The following CSMD2 variants were observed in gnomAD, a reference collection of about 807,000 sequenced individuals.
CSMD2 encodes CUB and Sushi multiple domains 2.
A neutral mutation model predicts 398.5 loss-of-function variants in CSMD2; 130 were observed. The observed-to-expected ratio is 0.33, with a 90% confidence interval of 0.28 to 0.38. CSMD2 has a LOEUF of 0.38. Ranked by LOEUF, CSMD2 falls within the 10% of genes least tolerant of loss-of-function variation. CSMD2 has a pLI of 1.00. For missense variants in CSMD2, 3,829 were observed against 4,764.9 expected (o/e 0.80, Z 5.78); for synonymous variants, 1,828 against 1,908.5 (o/e 0.96, Z 1.10).
chr1:33,634,899 C>T (rs946150128), intron 31 of CSMD2, among the ~76,000 whole-genome samples: 1 of 152,124 alleles, frequency 6.6e-6, no homozygotes, highest in South Asian at 2.1e-4. Flanking sequence ...ATCTGCGGCA[C>T]CTCCCTTAGG....
chr1:33,711,867 G>A (rs1046278489), intron 21 of CSMD2, among the ~76,000 whole-genome samples: 1 of 152,152 alleles, frequency 6.6e-6, no homozygotes, highest in African/African-American at 2.4e-5. Flanking sequence ...CCAGTCCTTG[G>A]CCAATCCCCA....
chr1:33,939,143 C>T (rs1644583670), intron 3 of CSMD2, among the ~76,000 whole-genome samples: 1 of 151,900 alleles, frequency 6.6e-6, no homozygotes, highest in African/African-American at 2.4e-5. Context: ...GCTTACTTAA[C>T]ATTTCCCATG....
rs867298001 is a variant in CSMD2, at chr1:33,544,841, A to G, written c.9100+1196T>C. Among the ~76,000 whole-genome samples, 177 of 139,044 alleles carry G rather than the reference A, an allele frequency of 1.3e-3. 1 individual carries two copies. Among genetic ancestry groups the G allele is most frequent in the Middle Eastern group, 0.011 (3 of 272 alleles). 91.2% of individuals were successfully genotyped at this position (139,044 alleles called of 152,430 possible). On this transcript the variant is annotated intron_variant, in intron 57 of 70. Transcript: ENST00000373381. ...TTGACCACTGTGCATTTATATATAT[A>G]TATATATATATATACACATATAATC...
At chr1:33,918,711 T>C (rs191968629) in intron 4 of CSMD2, among the ~76,000 whole-genome samples, 7 of 152,304 alleles carry the variant, frequency 4.6e-5, no homozygotes, top group Middle Eastern at 3.4e-3. Context: ...CAGAGAACAC[T>C]GAGCCAAAAA....
chr1:33,949,795 G>A (rs1176823470), intron 3 of CSMD2, among the ~76,000 whole-genome samples: 1 of 152,086 alleles, frequency 6.6e-6, no homozygotes, highest in Non-Finnish European at 1.5e-5. Flanking sequence ...TTGTTCCCAG[G>A]GTTAGTGACT....
chr1:33,834,854 C>T (rs1660039978), intron 6 of CSMD2, among the ~76,000 whole-genome samples: 1 of 44,894 alleles, frequency 2.2e-5, no homozygotes. Context: ...CATGAACAGA[C>T]ACTTCTCAAA....
At chr1:34,112,812 C>A (rs982610340) in intron 1 of CSMD2, 27 of 152,208 alleles carry the variant, frequency 1.8e-4, no homozygotes, top group African/African-American at 6.5e-4. Context: ...AGGATTCAAG[C>A]CAATTCAATG....
At chr1:34,125,919 G>A (rs1283931085) in intron 1 of CSMD2, among the ~76,000 whole-genome samples, 2 of 152,172 alleles carry the variant, frequency 1.3e-5, no homozygotes, top group South Asian at 4.1e-4. Flanking sequence ...AGGACCCAGT[G>A]GGGGTCTGTT....
intron 5 of CSMD2, among the ~76,000 whole-genome samples, chr1:33,858,470 C>T (rs1364303728): frequency 1.3e-5 from 2 of 152,162 alleles, no homozygotes; most frequent in Non-Finnish European, 2.9e-5. Context: ...AGCTTGAGTT[C>T]GAAGCCTGGC....
intron 1 of CSMD2, among the ~76,000 whole-genome samples, chr1:34,111,165 G>A (rs1022690305): frequency 1.3e-5 from 2 of 152,194 alleles, no homozygotes; most frequent in Non-Finnish European, 2.9e-5. Flanking sequence ...CACATAGTCA[G>A]CACTCAGTTA....
chr1:33,588,204 G>T (rs1639211575), intron 44 of CSMD2, among the ~76,000 whole-genome samples: 1 of 152,024 alleles, frequency 6.6e-6, no homozygotes, highest in African/African-American at 2.4e-5. Context: ...TATATTGCAA[G>T]AATTTCCCAT....
chr1:33,863,701 T>C (rs1639722434), intron 5 of CSMD2: 1 of 157,162 alleles, frequency 6.4e-6, no homozygotes, highest in Non-Finnish European at 1.4e-5. Context: ...CCATGTTCAT[T>C]ATGCTCAGCC....
chr1:33,829,883 C>A (rs867494949), intron 6 of CSMD2, among the ~76,000 whole-genome samples: 1 of 152,184 alleles, frequency 6.6e-6, no homozygotes, highest in African/African-American at 2.4e-5. Context: ...GAGGGTCCTA[C>A]GCCCACGGAG....
intron 1 of CSMD2, among the ~76,000 whole-genome samples, chr1:34,115,561 C>A (rs1661526029): frequency 1.3e-5 from 2 of 152,072 alleles, no homozygotes. Flanking sequence ...TGAGGGAGTT[C>A]ATCGCCATTA....
chr1:34,003,258 C>T (rs1646955972), intron 3 of CSMD2, among the ~76,000 whole-genome samples: 1 of 152,170 alleles, frequency 6.6e-6, no homozygotes, highest in African/African-American at 2.4e-5. Flanking sequence ...TCCTCCTTCC[C>T]CTTGAGGTCT....
chr1:33,824,161 T>C (rs1658515432), intron 7 of CSMD2, among the ~76,000 whole-genome samples: 1 of 152,174 alleles, frequency 6.6e-6, no homozygotes, highest in Non-Finnish European at 1.5e-5. Context: ...GTCAGGGCCA[T>C]TTCCTTAAGT....
intron 56 of CSMD2, among the ~76,000 whole-genome samples, chr1:33,546,543 T>C (rs775020080): frequency 6.6e-6 from 1 of 152,186 alleles, no homozygotes; most frequent in Non-Finnish European, 1.5e-5. Context: ...CCCTCTTCTC[T>C]ACAAACACCT....
intron 5 of CSMD2, among the ~76,000 whole-genome samples, chr1:33,880,767 C>G (rs573392459): frequency 1.3e-5 from 2 of 152,186 alleles, no homozygotes; most frequent in East Asian, 3.8e-4. Context: ...AAAGAAAGTA[C>G]AAATTTTGCA....
At chr1:33,886,641 G>A (rs1173928606) in intron 5 of CSMD2, among the ~76,000 whole-genome samples, 1 of 152,166 alleles carries the variant, frequency 6.6e-6, no homozygotes, top group Non-Finnish European at 1.5e-5. Flanking sequence ...GGGGCACAGT[G>A]GGCAGCCGAT....
Sources: gnomAD v4.1 joint callset for allele counts (sites outside exome capture counted in the v4.1 genomes callset) on GRCh38, gnomAD v4.1.1 for gene constraint, MANE v1.5 for transcripts, NCBI Gene and HGNC (gene_info 2026-07-23, HGNC 2026-07-21) for gene names.